Variants in CMSS1 observed in about 807,000 individuals in gnomAD.
CMSS1 encodes cms1 ribosomal small subunit homolog.
In CMSS1, 33 loss-of-function variants were observed where a neutral mutation model predicts 43.5. The ratio of observed to expected loss-of-function variants is 0.76; its 90% CI spans 0.57 to 1.01. The LOEUF is 1.01. Among genes scored for constraint, CMSS1 ranks in the 50% least tolerant of loss-of-function variants. The pLI, the probability that CMSS1 is intolerant of heterozygous loss-of-function variation, is 0.00. For synonymous variants in CMSS1, 115 were observed against 117.2 expected, an observed-to-expected ratio of 0.98 and a Z score of 0.12; for missense variants, 313 against 326.4, an observed-to-expected ratio of 0.96 and a Z score of 0.32.
chr3:99,929,917 T>C, intron 1 of CMSS1: 1 of 1,613,772 alleles, frequency 6.2e-7, no homozygotes, highest in South Asian at 1.1e-5. Context: ...TTGAAAAGCA[T>C]CTCTCTGGAG....
rs1266153967 is a variant in CMSS1, at chr3:100,162,429, C to T, written c.352C>T (p.Pro118Ser). Residue 118 changes from proline (P) to serine (S), a missense_variant, in exon 4 of 10, where the codon CCA becomes TCA. By Grantham distance (74) the Pro-to-Ser change is moderately conservative. Transcript: ENST00000421999. ...LVIELEELNLPDSCFLKANDL... is the reference protein window; with the variant it reads ...LVIELEELNLSDSCFLKANDL... ...GATTGAATTAGAAGAACTGAACCTGCCAGGTATAGCCAAGCTTCAATTTTC... is the reference window on the plus strand; with the variant it reads ...GATTGAATTAGAAGAACTGAACCTGTCAGGTATAGCCAAGCTTCAATTTTC... The T allele has an allele frequency of 1.2e-6, 2 of 1,606,958 alleles. No homozygotes were observed. Among genetic ancestry groups the T allele is most frequent in the East Asian group, 4.5e-5 (2 of 44,746 alleles).
chr3:99,850,124 A>C (rs1314207421), intron 1 of CMSS1: 1 of 1,612,484 alleles, frequency 6.2e-7, no homozygotes, highest in South Asian at 1.1e-5. Flanking sequence ...GCAGCTTGTA[A>C]TTTATCTTCA....
chr3:99,859,958 A>G (rs1300019409), intron 1 of CMSS1, among the ~76,000 whole-genome samples: 1 of 152,234 alleles, frequency 6.6e-6, no homozygotes, highest in African/African-American at 2.4e-5. Flanking sequence ...TTACAGCTAC[A>G]GCATACCATA....
At chr3:99,911,741 C>T (rs1706795891) in intron 1 of CMSS1, among the ~76,000 whole-genome samples, 1 of 152,156 alleles carries the variant, frequency 6.6e-6, no homozygotes, top group Admixed American at 6.5e-5. Flanking sequence ...TTGTACATGC[C>T]TCTGTTACAG....
chr3:100,170,774 T>C (rs547042137), intron 6 of CMSS1, among the ~76,000 whole-genome samples: 9 of 152,114 alleles, frequency 5.9e-5, no homozygotes, highest in Non-Finnish European at 8.8e-5. Context: ...TCAGAGCTGG[T>C]GGTCTGGATT....
At chr3:99,904,543 T>C (rs1328065608) in intron 1 of CMSS1, among the ~76,000 whole-genome samples, 4 of 152,250 alleles carry the variant, frequency 2.6e-5, no homozygotes, top group Non-Finnish European at 5.9e-5. Flanking sequence ...TTAATTCTTG[T>C]TATTTTGACA....
intron 1 of CMSS1, among the ~76,000 whole-genome samples, chr3:99,855,133 G>A (rs951580584): frequency 6.6e-6 from 1 of 152,124 alleles, no homozygotes; most frequent in African/African-American, 2.4e-5. Context: ...GTTCATTATT[G>A]ATTTATACCC....
intron 1 of CMSS1, among the ~76,000 whole-genome samples, chr3:99,979,064 T>A (rs1266555927): frequency 6.6e-6 from 1 of 152,142 alleles, no homozygotes; most frequent in Non-Finnish European, 1.5e-5. Flanking sequence ...CAATTTACTG[T>A]ATATTTTCAA....
At chr3:100,060,073 A>G (rs894193595) in intron 1 of CMSS1, among the ~76,000 whole-genome samples, 2 of 152,214 alleles carry the variant, frequency 1.3e-5, no homozygotes, top group African/African-American at 2.4e-5. Flanking sequence ...GATGGGCTCC[A>G]GGTACATGTG....
chr3:99,849,475 T>C, intron 1 of CMSS1: 1 of 1,613,766 alleles, frequency 6.2e-7, no homozygotes, highest in Non-Finnish European at 8.5e-7. Flanking sequence ...ACATATTAGG[T>C]CTTCAGTTGC....
At chr3:99,851,194 A>G (rs1426317899) in intron 1 of CMSS1, 12 of 726,942 alleles carry the variant, frequency 1.7e-5, no homozygotes, top group Non-Finnish European at 2.3e-5. Flanking sequence ...CATATACAAT[A>G]TGCAAAAGAG....
chr3:99,982,162 G>C (rs1429155025), intron 1 of CMSS1, among the ~76,000 whole-genome samples: 6 of 151,864 alleles, frequency 4.0e-5, no homozygotes, highest in Non-Finnish European at 7.4e-5. Flanking sequence ...ATATATTTCG[G>C]TATATGTATT....
chr3:99,818,750 T>C (rs1398420869), intron 1 of CMSS1, among the ~76,000 whole-genome samples: 1 of 152,212 alleles, frequency 6.6e-6, no homozygotes, highest in Non-Finnish European at 1.5e-5. Context: ...AGCTAGCTCC[T>C]TTCAGAAACA....
In CMSS1 at chr3:99,912,215, C is replaced by T. The variant is rs549109186; in HGVS notation, c.64+94172C>T. Among the ~76,000 whole-genome samples, 10 of 152,182 alleles carry T rather than the reference C, an allele frequency of 6.6e-5. No individual in the cohort carries two copies. The East Asian group carries it at 1.9e-3, about 29-fold the overall frequency. On this transcript the variant is annotated intron_variant, in intron 1 of 9. Transcript: ENST00000421999. Reference sequence around the variant, plus strand: ...TTACAACATGTCTGAACCCTGAAAACATTATTTTAAGTGAAAGAAAACAGG... The same window carrying T: ...TTACAACATGTCTGAACCCTGAAAATATTATTTTAAGTGAAAGAAAACAGG...
At chr3:100,064,328 A>G (rs1206397174) in intron 1 of CMSS1, among the ~76,000 whole-genome samples, 2 of 151,772 alleles carry the variant, frequency 1.3e-5, no homozygotes, top group Non-Finnish European at 2.9e-5. Context: ...ATCCTAAAGG[A>G]CCAATTTGCC....
intron 6 of CMSS1, among the ~76,000 whole-genome samples, chr3:100,171,018 A>G (rs929977002): frequency 6.6e-6 from 1 of 152,192 alleles, no homozygotes; most frequent in African/African-American, 2.4e-5. Flanking sequence ...ATAGTCTCAC[A>G]TCATCATAAC....
rs535280580 is a variant in CMSS1, at chr3:100,132,837, A to G, written c.65-14136A>G. ...CCATCCCAAAAAAAAAAAAAAAAAAAAAAGAAAAAGTAAAATATTTAGTCT... is the reference window on the plus strand; with the variant it reads ...CCATCCCAAAAAAAAAAAAAAAAAAGAAAGAAAAAGTAAAATATTTAGTCT... On this transcript the variant is annotated intron_variant, in intron 1 of 9. Transcript: ENST00000421999. Among the ~76,000 whole-genome samples the G allele has an allele frequency of 3.2e-4, 48 of 151,528 alleles. 1 individual carries two copies. In the South Asian group the frequency reaches 7.5e-3, roughly 24 times the overall value.
intron 1 of CMSS1, among the ~76,000 whole-genome samples, chr3:99,965,248 A>G (rs1254770578): frequency 1.3e-5 from 2 of 152,178 alleles, no homozygotes; most frequent in African/African-American, 4.8e-5. Flanking sequence ...TTTGAGTCCA[A>G]GTGGTTTATG....
chr3:100,071,090 C>CTTTTTTTTTTTTTTTTTT (rs61563009), intron 1 of CMSS1, among the ~76,000 whole-genome samples: 1 of 70,588 alleles, frequency 1.4e-5, no homozygotes, highest in African/African-American at 6.1e-5. Flanking sequence ...GCTACTCTCT[C>CTTTTTTTTTTTTTTTTTT]TTTTTTTTTT....
Sources: gnomAD v4.1 joint callset for allele counts (sites outside exome capture counted in the v4.1 genomes callset) on GRCh38, gnomAD v4.1.1 for gene constraint, MANE v1.5 for transcripts, NCBI Gene and HGNC (gene_info 2026-07-23, HGNC 2026-07-21) for gene names.